NRIP1: variants seen among roughly 807,000 people sequenced by gnomAD.
The protein encoded by NRIP1 is nuclear receptor-interacting protein 1.
NRIP1 carries 28 observed loss-of-function variants against 75.0 expected under a neutral mutation model. The observed-to-expected ratio is 0.37, with a 90% CI of 0.28 to 0.51. The LOEUF (loss-of-function observed/expected upper bound fraction) is 0.51, where lower values mean the gene tolerates loss of function less well. NRIP1 is among the 20% of genes least tolerant of loss of function. The pLI is 0.92. For synonymous variants in NRIP1, 526 were observed against 487.6 expected, an observed-to-expected ratio of 1.08 and a Z score of -1.04; for missense variants, 1,435 against 1,343.7, an observed-to-expected ratio of 1.07 and a Z score of -1.06.
chr21:14,990,907 G>C (rs2087553148), intron 3 of NRIP1, among the ~76,000 whole-genome samples: 1 of 152,160 alleles, frequency 6.6e-6, no homozygotes, highest in East Asian at 1.9e-4. Context: ...GTTCATTAGT[G>C]AAGTTGAGTG....
intron 1 of NRIP1, among the ~76,000 whole-genome samples, chr21:15,046,376 A>C (rs957164146): frequency 1.3e-5 from 2 of 152,234 alleles, no homozygotes; most frequent in African/African-American, 4.8e-5. Flanking sequence ...GTCAATAAAC[A>C]GTAATATTTC....
In NRIP1 at chr21:14,965,838, A is replaced by G. The variant is rs765605103; in HGVS notation, c.2355T>C (p.Ala785=). The G allele has an allele frequency of 1.2e-6, 2 of 1,614,020 alleles. No homozygotes were observed. Among genetic ancestry groups the G allele is most frequent in the South Asian group, 1.1e-5 (1 of 91,074 alleles). Residue 785 remains alanine, a synonymous_variant, in exon 4 of 4, where the codon GCT becomes GCC. Transcript: ENST00000318948. ...CAGGTGCGCTTCTCTGCACAGCAGG[A>G]GCCATACCCAAGAATGGGGCACTCT... The part of the protein sequence containing the change: ...DAKSAPFLGM[A]PAVQRSAPAL...
At chr21:15,029,137 C>T (rs2088586745) in intron 2 of NRIP1, among the ~76,000 whole-genome samples, 1 of 152,202 alleles carries the variant, frequency 6.6e-6, no homozygotes, top group Admixed American at 6.5e-5. Context: ...ATAATGGCCG[C>T]CTCACTGGTT....
chr21:14,967,340 AAGCGTGTTCTCG>A lies in NRIP1; in HGVS notation c.841_852del (p.Arg281_Ala284del). On this transcript the variant is annotated inframe_deletion, in exon 4 of 4. Coordinates refer to ENST00000318948, the MANE Select transcript of NRIP1 (RefSeq NM_003489.4). Reference sequence around the variant, plus strand: ...GCTTGATTTGCATTTTGCGTTTTTAAAGCGTGTTCTCGAGAATACTGCTGCAAATGGGCTTCG... The same window carrying A: ...GCTTGATTTGCATTTTGCGTTTTTAAAGAATACTGCTGCAAATGGGCTTCG... The A allele has an allele frequency of 6.2e-7, 1 of 1,614,070 alleles. No homozygotes were observed. The highest frequency in any genetic ancestry group is 8.5e-7 in the Non-Finnish European group (1 of 1,179,996).
At chr21:15,038,961 A>C (rs367699736) in intron 2 of NRIP1, among the ~76,000 whole-genome samples, 1 of 152,246 alleles carries the variant, frequency 6.6e-6, no homozygotes, top group South Asian at 2.1e-4. Flanking sequence ...ACAATAAATA[A>C]ACTATACTTT....
At chr21:15,013,962 T>C (rs1467611271) in intron 3 of NRIP1, among the ~76,000 whole-genome samples, 5 of 152,228 alleles carry the variant, frequency 3.3e-5, no homozygotes, top group African/African-American at 9.6e-5. Flanking sequence ...CCATTTTCTC[T>C]GGTTTTTGAT....
chr21:14,977,902 G>A (rs185360606), intron 3 of NRIP1, among the ~76,000 whole-genome samples: 1 of 152,294 alleles, frequency 6.6e-6, no homozygotes, highest in Non-Finnish European at 1.5e-5. Flanking sequence ...GAACTGAGGA[G>A]TTTCTTGCTC....
intron 2 of NRIP1, among the ~76,000 whole-genome samples, chr21:15,028,484 C>T (rs923536611): frequency 2.6e-5 from 4 of 152,192 alleles, no homozygotes; most frequent in African/African-American, 7.2e-5. Flanking sequence ...CATAAAACTA[C>T]ATCCACACCA....
intron 1 of NRIP1, among the ~76,000 whole-genome samples, chr21:15,057,850 T>G (rs1247507467): frequency 6.6e-6 from 1 of 152,156 alleles, no homozygotes; most frequent in Non-Finnish European, 1.5e-5. Flanking sequence ...ACAAAATGTG[T>G]GTAAAGCTTC....
chr21:15,065,754 C>CAG (rs898708420), upstream of NRIP1: 3 of 152,312 alleles, frequency 2.0e-5, no homozygotes, highest in Admixed American at 1.3e-4. Context: ...GCTCCCTGGA[C>CAG]AGACGTAGGA....
At chr21:14,993,690 C>T (rs1192419798) in intron 3 of NRIP1, among the ~76,000 whole-genome samples, 1 of 151,818 alleles carries the variant, frequency 6.6e-6, no homozygotes, top group Admixed American at 6.6e-5. Context: ...GAGGCTGACA[C>T]GGAAGGATCG....
Position 14,963,573 on chromosome 21 carries a change from G to C in NRIP1, c.*1143C>G, listed in dbSNP as rs1472183828. 2.0e-5 allele frequency: 3 copies of C among 152,296 alleles called. No individual in the cohort carries two copies. Among genetic ancestry groups the C allele is most frequent in the Admixed American group, 6.6e-5 (1 of 15,250 alleles). The allele number at this position is 152,296 out of a possible 1,614,324, so 9.4% of individuals were successfully genotyped here. On this transcript the variant is annotated 3_prime_UTR_variant, in exon 4 of 4. Coordinates refer to ENST00000318948, the MANE Select transcript of NRIP1 (RefSeq NM_003489.4). Reference sequence around the variant, plus strand: ...AAATAGAGGCATCACATAGTTTTTTGTTTTTGTTTTACAGTCTCATGTTCT... The same window carrying C: ...AAATAGAGGCATCACATAGTTTTTTCTTTTTGTTTTACAGTCTCATGTTCT...
At position 14,966,355 on chromosome 21, in the gene NRIP1, G is replaced by T. The variant is rs751892367; in HGVS notation, c.1838C>A (p.Pro613Gln). 1 of 1,614,020 alleles carries T rather than the reference G, an allele frequency of 6.2e-7. No homozygotes were observed. Among genetic ancestry groups the T allele is most frequent in the Admixed American group, 1.7e-5 (1 of 60,002 alleles). ...TKSKDPPGEK[P>Q]AQNEGAQNSA... ...GTTCTGTGCACCTTCATTTTGGGCT[G>T]GTTTCTCTCCTGGTGGGTCTTTGCT... Residue 613 changes from proline to glutamine, a missense_variant, in exon 4 of 4, where the codon CCA (proline) becomes CAA (glutamine). Transcript: ENST00000318948.
At chr21:15,002,616 G>A (rs1283274174) in intron 3 of NRIP1, among the ~76,000 whole-genome samples, 1 of 152,058 alleles carries the variant, frequency 6.6e-6, no homozygotes, top group Non-Finnish European at 1.5e-5. Flanking sequence ...GTTGAACTGA[G>A]GACTTAGATT....
chr21:15,016,333 C>T (rs2088226980), intron 2 of NRIP1, among the ~76,000 whole-genome samples: 1 of 152,144 alleles, frequency 6.6e-6, no homozygotes. Flanking sequence ...ATCAACTTAA[C>T]AATAACCATA....
intron 3 of NRIP1, among the ~76,000 whole-genome samples, chr21:14,999,269 G>C (rs1187882958): frequency 6.6e-6 from 1 of 152,076 alleles, no homozygotes; most frequent in Non-Finnish European, 1.5e-5. Flanking sequence ...GAACCACTAT[G>C]CCTGGCCACT....
At chr21:15,014,313 C>T (rs1416266380) in intron 3 of NRIP1, 31 bp downstream of exon 3, 1 of 395,908 alleles carries the variant, frequency 2.5e-6, no homozygotes, top group Non-Finnish European at 4.5e-6. Context: ...AATGATTAAG[C>T]CTTAAGAACT....
At position 14,966,295 on chromosome 21, in the gene NRIP1, T is replaced by C. The variant is rs1336621562; in HGVS notation, c.1898A>G (p.Asn633Ser). ...ATFSASKLLQ[N>S]LAQCGMQSSM... ...TGACTGCATTCCACATTGTGCTAAA[T>C]TTTGTAACAGCTTACTGGCACTAAA... The change falls in exon 4 of 4, where the codon AAT becomes AGT. Residue 633 changes from asparagine (N) to serine (S), a missense_variant. Transcript: ENST00000318948. 2.5e-6 allele frequency: 4 copies of C among 1,614,166 alleles called. No homozygotes were observed. In the East Asian group the frequency reaches 6.7e-5, roughly 27 times the overall value.
chr21:15,038,749 T>C (rs1382010629), intron 2 of NRIP1, among the ~76,000 whole-genome samples: 1 of 152,012 alleles, frequency 6.6e-6, no homozygotes, highest in East Asian at 1.9e-4. Flanking sequence ...AAATATTCCC[T>C]GCCCCAGAAA....
Sources: gnomAD v4.1 joint callset for allele counts (sites outside exome capture counted in the v4.1 genomes callset) on GRCh38, gnomAD v4.1.1 for gene constraint, MANE v1.5 for transcripts, NCBI Gene and HGNC (gene_info 2026-07-23, HGNC 2026-07-21) for gene names.